Variants in PROSER1 observed in about 807,000 individuals in gnomAD.
PROSER1 encodes the protein proline and serine-rich protein 1.
PROSER1 carries 36 observed loss-of-function variants against 71.8 expected under a neutral mutation model. The ratio of observed to expected loss-of-function variants is 0.50; its 90% CI spans 0.38 to 0.66. The LOEUF (loss-of-function observed/expected upper bound fraction) is 0.66, where lower values mean the gene tolerates loss of function less well. Among genes scored for constraint, PROSER1 ranks in the 30% least tolerant of loss-of-function variants. PROSER1 has a pLI of 0.00. For synonymous variants in PROSER1, 490 were observed against 452.4 expected, an observed-to-expected ratio of 1.08 and a Z score of -1.06; for missense variants, 1,107 against 1,135.0, an observed-to-expected ratio of 0.98 and a Z score of 0.35.
intron 10 of PROSER1, 89 bp downstream of exon 10, chr13:39,017,411 C>G: frequency 1.2e-6 from 1 of 829,898 alleles, no homozygotes; most frequent in East Asian, 2.7e-5. Context: ...AAAACATAAC[C>G]ATTCCAAATA....
At chr13:39,011,567 G>A in intron 12 of PROSER1, 80 bp from the exon 13 acceptor site, 2 of 1,387,602 alleles carry the variant, frequency 1.4e-6, no homozygotes, top group Non-Finnish European at 2.0e-6. Flanking sequence ...ATGCCACACA[G>A]AGATATTCAG....
At chr13:39,020,043 ATTATT>A (rs1209307090) in intron 9 of PROSER1, among the ~76,000 whole-genome samples, 5 of 151,150 alleles carry the variant, frequency 3.3e-5, no homozygotes, top group Middle Eastern at 3.4e-3. Context: ...CTCAGCTGAT[ATTATT>A]TTATATCTAT....
intron 10 of PROSER1, among the ~76,000 whole-genome samples, chr13:39,016,119 A>T (rs749154877): frequency 6.6e-6 from 1 of 151,070 alleles, no homozygotes; most frequent in Non-Finnish European, 1.5e-5. Context: ...AAAGCTATGC[A>T]TTATTAATCA....
At chr13:39,018,748 A>G (rs1369944121) in intron 9 of PROSER1, among the ~76,000 whole-genome samples, 1 of 152,164 alleles carries the variant, frequency 6.6e-6, no homozygotes, top group African/African-American at 2.4e-5. Context: ...AAATAAGAGT[A>G]GCAGGAGGAG....
chr13:39,022,950 A>C, intron 8 of PROSER1, 102 bp downstream of exon 8: 5 of 906,816 alleles, frequency 5.5e-6, no homozygotes, highest in Non-Finnish European at 8.7e-6. Context: ...AGCATTTCAT[A>C]AGTGCTACAG....
intron 8 of PROSER1, 27 bp downstream of exon 8, chr13:39,023,025 C>A: frequency 6.3e-7 from 1 of 1,577,250 alleles, no homozygotes. Flanking sequence ...AAAAGAAAAA[C>A]AAGTAAAAAA....
chr13:39,011,803 C>G (rs1869672687), intron 12 of PROSER1, among the ~76,000 whole-genome samples: 1 of 152,150 alleles, frequency 6.6e-6, no homozygotes, highest in African/African-American at 2.4e-5. Context: ...ATTTAACTGT[C>G]ATGAATAGAT....
Position 39,013,349 on chromosome 13 carries a change from A to T in PROSER1, c.1903T>A (p.Leu635Met), listed in dbSNP as rs771976688. ...SGNPSHGTLG[L>M]SGTLGRAYTS... ...TATGCACGGCCCAATGTCCCTGACA[A>T]ACCTAAAGTGCCATGAGAGGGATTC... Residue 635 changes from leucine (L) to methionine (M), a missense_variant, in exon 11 of 13, where the codon TTG becomes ATG. By Grantham distance (15) the Leu-to-Met change is conservative (BLOSUM62 2). Coordinates refer to ENST00000352251, the MANE Select transcript of PROSER1 (RefSeq NM_025138.5). 3.7e-6 allele frequency: 6 copies of T among 1,614,226 alleles called. No individual in the cohort carries two copies.
In PROSER1 at chr13:39,023,201, A is replaced by C. The variant is rs1204587593; in HGVS notation, c.565-71T>G. 4.2e-6 allele frequency: 5 copies of C among 1,180,422 alleles called. No individual in the cohort carries two copies. In the Admixed American group the frequency reaches 8.5e-5, roughly 20 times the overall value. The allele number at this position is 1,180,422 out of a possible 1,614,324, so 73.1% of individuals were successfully genotyped here. A position where few individuals can be genotyped will look rare whatever the true frequency, so the allele number is the denominator to read the frequency against. On this transcript the variant is annotated intron_variant, in intron 7 of 12. Coordinates refer to ENST00000352251, the MANE Select transcript of PROSER1 (RefSeq NM_025138.5). ...GCTGTCTCCTGGCAACTTGTCTTTC[A>C]AAATATTTAGTCCTAATATGCTAAA...
At chr13:39,028,599 G>A (rs1215303983) in intron 4 of PROSER1, among the ~76,000 whole-genome samples, 1 of 152,036 alleles carries the variant, frequency 6.6e-6, no homozygotes, top group East Asian at 1.9e-4. Context: ...GTGATAGTTA[G>A]GAGAGCTATG....
chr13:39,018,978 G>A (rs189393851), intron 9 of PROSER1, among the ~76,000 whole-genome samples: 51 of 152,116 alleles, frequency 3.4e-4, no homozygotes, highest in South Asian at 6.2e-4. Context: ...TCCCAATAAA[G>A]AAAATTATCT....
At chr13:39,011,526 A>G in intron 12 of PROSER1, 39 bp from the exon 13 acceptor site, 1 of 1,606,744 alleles carries the variant, frequency 6.2e-7, no homozygotes, top group African/African-American at 1.3e-5. Context: ...CAGAGTGCCA[A>G]GTTCATTCAA....
At chr13:39,035,084 T>G (rs1871034936) in intron 1 of PROSER1, among the ~76,000 whole-genome samples, 1 of 152,214 alleles carries the variant, frequency 6.6e-6, no homozygotes, top group South Asian at 2.1e-4. Context: ...AATTTTAATA[T>G]TCATATTTTT....
intron 9 of PROSER1, among the ~76,000 whole-genome samples, chr13:39,019,194 C>T (rs1460559183): frequency 6.6e-6 from 1 of 151,700 alleles, no homozygotes; most frequent in African/African-American, 2.4e-5. Flanking sequence ...CCCAACAAAA[C>T]ATACAAATTG....
At chr13:39,022,773 A>G (rs1416095743) in intron 8 of PROSER1, 8 of 400,402 alleles carry the variant, frequency 2.0e-5, no homozygotes, top group South Asian at 4.8e-5. Flanking sequence ...CAACTACCAA[A>G]AAAAGGAATT....
At chr13:39,022,498 T>A in intron 8 of PROSER1, 86 bp from the exon 9 acceptor site, 1 of 823,226 alleles carries the variant, frequency 1.2e-6, no homozygotes, top group Non-Finnish European at 2.1e-6. Context: ...TCAAACTATA[T>A]TAATGCAGCT....
chr13:39,031,718 C>T (rs763224336), intron 2 of PROSER1, 87 bp from the exon 3 acceptor site: 106 of 1,214,090 alleles, frequency 8.7e-5, no homozygotes, highest in Admixed American at 1.3e-4. Flanking sequence ...TAATTCGACA[C>T]GTGCAGCCCA....
In PROSER1 at chr13:39,017,562, A is replaced by G; in HGVS notation, c.731-18T>C. 1 of 1,326,736 alleles carries G rather than the reference A, an allele frequency of 7.5e-7. No homozygotes were observed. 82.2% of individuals were successfully genotyped at this position (1,326,736 alleles called of 1,614,324 possible). A position where few individuals can be genotyped will look rare whatever the true frequency, so the allele number is the denominator to read the frequency against. On this transcript the variant is annotated intron_variant, in intron 9 of 12. Coordinates refer to ENST00000352251, the MANE Select transcript of PROSER1 (RefSeq NM_025138.5). ...TTCATTCTCTATATAAAAATAAATA[A>G]AAGTTCATTTTAAACTTTAATCAAA...
In PROSER1 at chr13:39,013,218, A is replaced by G; in HGVS notation, c.2034T>C (p.Ser678=). The part of the protein sequence containing the change: ...TPLNGSNPLS[S]ISLPPHGSST... ...AGGAACCATGTGGTGGAAGGGAAAT[A>G]GAGGAAAGAGGATTTGAACCATTTA... The change falls in exon 11 of 13, where the codon TCT becomes TCC. Residue 678 remains serine, a synonymous_variant. Coordinates refer to ENST00000352251, the MANE Select transcript of PROSER1 (RefSeq NM_025138.5). 6.2e-7 allele frequency: 1 copy of G among 1,614,156 alleles called. No individual in the cohort carries two copies. The highest frequency in any genetic ancestry group is 2.2e-5 in the East Asian group (1 of 44,872).
Sources: gnomAD v4.1 joint callset for allele counts (sites outside exome capture counted in the v4.1 genomes callset) on GRCh38, gnomAD v4.1.1 for gene constraint, MANE v1.5 for transcripts, NCBI Gene and HGNC (gene_info 2026-07-23, HGNC 2026-07-21) for gene names.